RBFOX1: variants seen among roughly 807,000 people sequenced by gnomAD.
The protein encoded by RBFOX1 is RNA binding protein fox-1 homolog 1.
In RBFOX1, 8 loss-of-function variants were observed where a neutral mutation model predicts 57.7. That is an observed-to-expected ratio of 0.14 (90% CI 0.08 to 0.25). The LOEUF is 0.25. Ranked by LOEUF, RBFOX1 falls within the 10% of genes least tolerant of loss-of-function variation. The pLI is 1.00. For missense variants in RBFOX1, 611 were observed against 548.5 expected, an observed-to-expected ratio of 1.11 and a Z score of -1.14; for synonymous variants, 326 against 222.4, an observed-to-expected ratio of 1.47 and a Z score of -4.15.
intron 3 of RBFOX1, among the ~76,000 whole-genome samples, chr16:6,738,015 T>C (rs1483828774): frequency 1.3e-5 from 2 of 150,892 alleles, no homozygotes; most frequent in Middle Eastern, 6.9e-3. Context: ...GGAATAATAA[T>C]GTGTGTCTGC....
At chr16:6,948,772 A>T (rs1027342290) in intron 3 of RBFOX1, among the ~76,000 whole-genome samples, 1 of 152,040 alleles carries the variant, frequency 6.6e-6, no homozygotes, top group African/African-American at 2.4e-5. Flanking sequence ...TGCCCATACA[A>T]TCCAGAAGAG....
chr16:7,121,843 C>G lies in RBFOX1; in HGVS notation c.27+69745C>G, dbSNP rs74009049. On this transcript the variant is annotated intron_variant, in intron 4 of 15. Transcript: ENST00000550418. ...GTAAAGGAGAAGACACATTAATCAA[C>G]TGGACAAAATAGAGACTCCAGAAAT... Among the ~76,000 whole-genome samples, 563 of 151,996 alleles carry G rather than the reference C, an allele frequency of 3.7e-3. 6 individuals are homozygous for G. Among genetic ancestry groups the G allele is most frequent in the African/African-American group, 0.013 (539 of 41,528 alleles).
chr16:5,829,194 T>C (rs117350699), intron 3 of RBFOX1, among the ~76,000 whole-genome samples: 3,192 of 151,984 alleles, frequency 0.021, 32 homozygotes, highest in Non-Finnish European at 0.031. Context: ...CACACTGTGG[T>C]TTAAAGGGTG....
At chr16:6,984,743 A>C (rs1031852359) in intron 3 of RBFOX1, among the ~76,000 whole-genome samples, 2 of 151,968 alleles carry the variant, frequency 1.3e-5, no homozygotes, top group Non-Finnish European at 2.9e-5. Flanking sequence ...CAGGTTCATG[A>C]AATTCTCCTG....
chr16:6,841,055 C>T (rs988002571), intron 3 of RBFOX1, among the ~76,000 whole-genome samples: 2 of 152,058 alleles, frequency 1.3e-5, no homozygotes, highest in Admixed American at 6.6e-5. Context: ...TTGTTTTGTG[C>T]AAGCCACCTG....
rs1231811904 is a variant in RBFOX1, at chr16:5,347,344, A to C, written c.219+107239A>C. ...TCGTTGCTCAACAAATACTTGAATG[A>C]ATGCATGAACTCAGCCTCCTTGAAT... On this transcript the variant is annotated intron_variant, in intron 1 of 2. Coordinates refer to the RBFOX1 transcript ENST00000585867. Among the ~76,000 whole-genome samples the C allele has an allele frequency of 2.0e-5, 3 of 152,182 alleles. No individual in the cohort carries two copies. The East Asian group carries it at 5.8e-4, about 29-fold the overall frequency.
At chr16:6,541,577 C>A (rs1410778884) in intron 2 of RBFOX1, among the ~76,000 whole-genome samples, 1 of 152,176 alleles carries the variant, frequency 6.6e-6, no homozygotes, top group Admixed American at 6.5e-5. Context: ...AATGGAAAGT[C>A]ACTGTAGAGT....
intron 3 of RBFOX1, among the ~76,000 whole-genome samples, chr16:5,647,622 A>G (rs1242464027): frequency 6.6e-6 from 1 of 152,144 alleles, no homozygotes; most frequent in Non-Finnish European, 1.5e-5. Context: ...GAGAAAAAGA[A>G]CAAGAAAAGA....
At chr16:5,329,451 G>T (rs182558854) in intron 1 of RBFOX1, among the ~76,000 whole-genome samples, 1 of 152,072 alleles carries the variant, frequency 6.6e-6, no homozygotes, top group African/African-American at 2.4e-5. Flanking sequence ...CACCAAAGGG[G>T]AAATCTGCCC....
chr16:7,681,619 G>T (rs3785202), intron 14 of RBFOX1, among the ~76,000 whole-genome samples: 51,675 of 151,968 alleles, frequency 0.34, 9,838 homozygotes, highest in East Asian at 0.8. Flanking sequence ...AAGTATATGA[G>T]CATCCTGAAT....
At chr16:5,654,223 ATGT>A (rs1410384156) in intron 3 of RBFOX1, among the ~76,000 whole-genome samples, 7 of 152,130 alleles carry the variant, frequency 4.6e-5, no homozygotes, top group Non-Finnish European at 8.8e-5. Context: ...TCTGTTTGAC[ATGT>A]TGTATATAAA....
intron 4 of RBFOX1, among the ~76,000 whole-genome samples, chr16:7,115,336 G>A (rs530670057): frequency 2.1e-4 from 32 of 152,268 alleles, no homozygotes; most frequent in Non-Finnish European, 4.0e-4. Context: ...ATGCATGGAA[G>A]CGAATAAGAA....
At chr16:7,670,782 C>G (rs1351700270) in intron 13 of RBFOX1, among the ~76,000 whole-genome samples, 1 of 152,110 alleles carries the variant, frequency 6.6e-6, no homozygotes, top group Non-Finnish European at 1.5e-5. Context: ...AGTGTCTGCC[C>G]TAGAATTGGA....
intron 3 of RBFOX1, among the ~76,000 whole-genome samples, chr16:6,722,900 G>A (rs963646005): frequency 6.6e-6 from 1 of 152,180 alleles, no homozygotes; most frequent in African/African-American, 2.4e-5. Context: ...CCCCCCGTGG[G>A]GTAGAGTGAA....
At chr16:5,859,752 T>A (rs373051577) in intron 3 of RBFOX1, among the ~76,000 whole-genome samples, 1 of 152,198 alleles carries the variant, frequency 6.6e-6, no homozygotes, top group Non-Finnish European at 1.5e-5. Context: ...GGTATAAAAT[T>A]ATGGAATCAG....
At position 6,881,752 on chromosome 16, in the gene RBFOX1, C is replaced by T. The variant is rs1023752595; in HGVS notation, c.-15-170305C>T. Among the ~76,000 whole-genome samples, 11 of 152,312 alleles carry T rather than the reference C, an allele frequency of 7.2e-5. 1 individual carries two copies. In the South Asian group the frequency reaches 2.3e-3, roughly 32 times the overall value. On this transcript the variant is annotated intron_variant, in intron 3 of 15. Transcript: ENST00000550418. ...CATCACACTGGGTGCCTACCATGAG[C>T]CAGGCATGAGCTTATATACCATTAT...
At chr16:6,394,069 A>C (rs2092717811) in intron 2 of RBFOX1, among the ~76,000 whole-genome samples, 1 of 152,214 alleles carries the variant, frequency 6.6e-6, no homozygotes, top group African/African-American at 2.4e-5. Context: ...CCTGCAATGC[A>C]GACATCCATG....
At chr16:5,642,260 C>G (rs2048904146) in intron 3 of RBFOX1, among the ~76,000 whole-genome samples, 1 of 152,204 alleles carries the variant, frequency 6.6e-6, no homozygotes, top group South Asian at 2.1e-4. Flanking sequence ...TGTGTAGCTG[C>G]TCAAACTTGG....
chr16:6,079,179 G>A (rs1045164024), intron 1 of RBFOX1, among the ~76,000 whole-genome samples: 5 of 152,042 alleles, frequency 3.3e-5, no homozygotes, highest in African/African-American at 7.2e-5. Context: ...CGCATTACAT[G>A]CCTGTAATCC....
Sources: allele counts gnomAD v4.1 joint callset (sites outside exome capture counted in the v4.1 genomes callset), GRCh38; gene constraint gnomAD v4.1.1; transcripts MANE v1.5; gene names NCBI Gene and HGNC (gene_info 2026-07-23, HGNC 2026-07-21).